PCDHGA4: variants seen among roughly 807,000 people sequenced by gnomAD.
The protein encoded by PCDHGA4 is protocadherin gamma-A4.
A neutral mutation model predicts 54.6 loss-of-function variants in PCDHGA4; 38 were observed. That is an observed-to-expected ratio of 0.70 (90% CI 0.54 to 0.91). PCDHGA4 has a LOEUF of 0.91. Among genes scored for constraint, PCDHGA4 ranks in the 40% least tolerant of loss-of-function variants. The pLI is 0.00. For missense variants in PCDHGA4, 1,298 were observed against 1,220.9 expected (o/e 1.06, Z -0.94); for synonymous variants, 511 against 512.9 (o/e 1.00, Z 0.05).
In PCDHGA4 at chr5:141,491,759, G is replaced by A; in HGVS notation, c.2515-3048G>A. On this transcript the variant is annotated intron_variant, in intron 1 of 3. Coordinates refer to ENST00000571252, the MANE Select transcript of PCDHGA4 (RefSeq NM_018917.4). The surrounding 1 kb of genome is among the most constrained non-coding windows in gnomAD (Gnocchi z 6.9). ...GGGGGCGGCACTGGAGAAGCCGCCC[G>A]TCCTCATAAGGGATTGAACTTGCAT... 2 of 1,575,392 alleles carry A rather than the reference G, an allele frequency of 1.3e-6. No homozygotes were observed. The highest frequency in any genetic ancestry group is 1.9e-5 in the Admixed American group (1 of 52,640).
Position 141,431,938 on chromosome 5 carries a change from A to G in PCDHGA4, c.2515-62869A>G, listed in dbSNP as rs150199588. 49 of 1,614,050 alleles carry G rather than the reference A, an allele frequency of 3.0e-5. No individual in the cohort carries two copies. Among genetic ancestry groups the G allele is most frequent in the Non-Finnish European group, 3.9e-5 (46 of 1,180,026 alleles). Reference sequence around the variant, plus strand: ...TCATCCAAGGAAATCTGCCCTTTAAATTAGAAAAATCTTACGGAAATTACT... The same window carrying G: ...TCATCCAAGGAAATCTGCCCTTTAAGTTAGAAAAATCTTACGGAAATTACT... On this transcript the variant is annotated intron_variant, in intron 1 of 3. Coordinates refer to ENST00000571252, the MANE Select transcript of PCDHGA4 (RefSeq NM_018917.4). This position sits in a 1 kb window ranked among gnomAD's most constrained non-coding sequence, Gnocchi z 4.8.
Position 141,403,510 on chromosome 5 carries a change from C to T in PCDHGA4, c.2514+45889C>T, listed in dbSNP as rs201146573. ...TCTCCCTGAACGTGCAGACTGGAGA[C>T]AATGGAGCCATAAACCCAGAGCTGG... On this transcript the variant is annotated intron_variant, in intron 1 of 3. Transcript: ENST00000571252. 9.2e-4 allele frequency: 1,478 copies of T among 1,614,022 alleles called. 1 individual carries two copies. Among genetic ancestry groups the T allele is most frequent in the Non-Finnish European group, 1.2e-3 (1,414 of 1,179,888 alleles).
intron 3 of PCDHGA4, among the ~76,000 whole-genome samples, chr5:141,506,132 G>T (rs114930087): frequency 1.2e-4 from 18 of 152,310 alleles, no homozygotes; most frequent in African/African-American, 4.3e-4. Context: ...CAGAGCAGGA[G>T]AAGAAGAATA....
Position 141,366,322 on chromosome 5 carries a change from G to T in PCDHGA4, c.2514+8701G>T, listed in dbSNP as rs1764494961. 3.1e-6 allele frequency: 5 copies of T among 1,613,654 alleles called. No individual in the cohort carries two copies. The South Asian group carries it at 5.5e-5, about 18-fold the overall frequency. On this transcript the variant is annotated intron_variant, in intron 1 of 3. Transcript: ENST00000571252. ...CCACCTTCACGGTCACCGTTGCCGT[G>T]GCCGACAGGATCCCTGACATCCTGG... is the stretch of plus-strand genomic sequence containing the variant.
intron 1 of PCDHGA4, among the ~76,000 whole-genome samples, chr5:141,472,711 C>T (rs1014451209): frequency 4.6e-5 from 7 of 151,904 alleles, no homozygotes; most frequent in Admixed American, 2.0e-4. Context: ...ACAGGCCAGG[C>T]GCTGTGGCTC....
chr5:141,384,714 A>G (rs750526941), intron 1 of PCDHGA4: 8 of 1,614,076 alleles, frequency 5.0e-6, no homozygotes, highest in African/African-American at 1.3e-5. Context: ...CCTGGCTGTC[A>G]TACCTCCTGC....
intron 1 of PCDHGA4, chr5:141,377,279 A>T (rs1256145515): frequency 1.3e-5 from 2 of 152,110 alleles, no homozygotes; most frequent in Admixed American, 1.3e-4. Flanking sequence ...TGGGAAAAAA[A>T]ATAACCTTAA....
At chr5:141,450,998 T>C (rs2098703513) in intron 1 of PCDHGA4, among the ~76,000 whole-genome samples, 1 of 151,696 alleles carries the variant, frequency 6.6e-6, no homozygotes, top group Non-Finnish European at 1.5e-5. Flanking sequence ...CTAATTTTTT[T>C]GTATTTTTTT....
chr5:141,415,747 T>TTTG, intron 1 of PCDHGA4: 1 of 797,602 alleles, frequency 1.3e-6, no homozygotes, highest in East Asian at 4.8e-5. Flanking sequence ...AAGGTTTTTT[T>TTTG]TTTTTTTTTT....
In PCDHGA4 at chr5:141,489,993, C is replaced by A; in HGVS notation, c.2515-4814C>A. 6.2e-7 allele frequency: 1 copy of A among 1,614,186 alleles called. No individual in the cohort carries two copies. The highest frequency in any genetic ancestry group is 1.1e-5 in the South Asian group (1 of 91,088). On this transcript the variant is annotated intron_variant, in intron 1 of 3. Transcript: ENST00000571252. The surrounding 1 kb of genome is among the most constrained non-coding windows in gnomAD (Gnocchi z 4.5). ...AATCCTCAGTTCTACGTGTGGGAATCCCAGAGAATGCACCCATTGGTACTC... is the reference window on the plus strand; with the variant it reads ...AATCCTCAGTTCTACGTGTGGGAATACCAGAGAATGCACCCATTGGTACTC...
intron 1 of PCDHGA4, among the ~76,000 whole-genome samples, chr5:141,380,946 CAAG>C (rs1776880026): frequency 6.6e-6 from 1 of 152,210 alleles, no homozygotes; most frequent in African/African-American, 2.4e-5. Flanking sequence ...CTTGCCTCAA[CAAG>C]AAGTTCAAAA....
At chr5:141,376,041 C>G (rs781158382) in intron 1 of PCDHGA4, 1 of 1,613,218 alleles carries the variant, frequency 6.2e-7, no homozygotes, top group Non-Finnish European at 8.5e-7. Flanking sequence ...GGCCAGCCCC[C>G]TCTCTCCGCC....
chr5:141,397,919 C>T (rs1158998805), intron 1 of PCDHGA4: 12 of 723,342 alleles, frequency 1.7e-5, no homozygotes, highest in Non-Finnish European at 2.2e-5. Context: ...TCCAGATCTC[C>T]TCGCGCAGCC....
At chr5:141,478,513 G>A in intron 1 of PCDHGA4, 1 of 1,611,520 alleles carries the variant, frequency 6.2e-7, no homozygotes. Context: ...TCTATAGGCA[G>A]GTGTTGGGTG....
chr5:141,445,786 C>A (rs1189294394), intron 1 of PCDHGA4, among the ~76,000 whole-genome samples: 2 of 152,018 alleles, frequency 1.3e-5, no homozygotes, highest in Non-Finnish European at 2.9e-5. Flanking sequence ...GCTAGGGAGG[C>A]TAGAAACAGA....
chr5:141,442,135 G>C lies in PCDHGA4; in HGVS notation c.2515-52672G>C, dbSNP rs868124128. 8 of 164,066 alleles carry C rather than the reference G, an allele frequency of 4.9e-5. 1 individual carries two copies. The highest frequency in any genetic ancestry group is 2.8e-4 in the South Asian group (2 of 7,026). 10.2% of individuals were successfully genotyped at this position (164,066 alleles called of 1,614,324 possible). On this transcript the variant is annotated intron_variant, in intron 1 of 3. Transcript: ENST00000571252. ...CCCTCGTCGCCGACAGCCTGCAGGA[G>C]ACTCTGCCAGACCTCAGCGATCACT...
intron 1 of PCDHGA4, chr5:141,413,463 G>A: frequency 6.2e-7 from 1 of 1,614,128 alleles, no homozygotes; most frequent in African/African-American, 1.3e-5. Flanking sequence ...GGATAGACCG[G>A]GAGGAGCTCT....
chr5:141,403,719 C>T (rs758160960), intron 1 of PCDHGA4: 2 of 1,613,864 alleles, frequency 1.2e-6, no homozygotes, highest in Non-Finnish European at 1.7e-6. Context: ...GAGAACGTGC[C>T]CCCAGGCACC....
chr5:141,427,983 C>G, intron 1 of PCDHGA4: 2 of 1,596,840 alleles, frequency 1.3e-6, no homozygotes, highest in South Asian at 2.2e-5. Context: ...CGCGCTGGGG[C>G]CCGATGGCTC....
Sources: allele counts gnomAD v4.1 joint callset (sites outside exome capture counted in the v4.1 genomes callset), GRCh38; gene constraint gnomAD v4.1.1; non-coding constraint Gnocchi (gnomAD v3.1); transcripts MANE v1.5; gene names NCBI Gene and HGNC (gene_info 2026-07-23, HGNC 2026-07-21).